The following ZNF107 variants were observed in gnomAD, a reference collection of about 807,000 sequenced individuals.
The protein encoded by ZNF107 is C2H2 type zinc-finger protein.
In ZNF107, 19 loss-of-function variants were observed where a neutral mutation model predicts 12.3. The ratio of observed to expected loss-of-function variants is 1.55; its 90% confidence interval spans 1.08 to 2.27. The LOEUF is 2.27. ZNF107 is among the 30% of genes most tolerant of loss of function. The probability of loss-of-function intolerance (pLI) is 0.00; values close to 1 mark genes in which losing one functional copy is unlikely to be tolerated. For synonymous variants in ZNF107, 317 were observed against 330.5 expected (o/e 0.96, Z 0.44); for missense variants, 958 against 979.9 (o/e 0.98, Z 0.30).
chr7:64,667,528 A>T (rs111942076), intron 1 of ZNF107, among the ~76,000 whole-genome samples: 2,556 of 152,274 alleles, frequency 0.017, 74 homozygotes, highest in African/African-American at 0.059. Flanking sequence ...TTACAGGGTG[A>T]TGTGTCCTCA....
At position 64,710,974 on chromosome 7, in the gene ZNF107, A is replaced by G. The variant is rs1790869041; in HGVS notation, c.*2318A>G. The G allele has an allele frequency of 6.6e-6, 1 of 152,196 alleles. No homozygotes were observed. Among genetic ancestry groups the G allele is most frequent in the African/African-American group, 2.4e-5 (1 of 41,468 alleles). 9.4% of individuals were successfully genotyped at this position (152,196 alleles called of 1,614,324 possible). ...GTTAAAATTAAAGTGAATTAGTAGTATATCATTTTACTATTTGTACTTTTA... is the reference window on the plus strand; with the variant it reads ...GTTAAAATTAAAGTGAATTAGTAGTGTATCATTTTACTATTTGTACTTTTA... On this transcript the variant is annotated 3_prime_UTR_variant, in exon 4 of 4. Coordinates refer to ENST00000620827, the MANE Select transcript of ZNF107 (RefSeq NM_001282359.2).
Position 64,691,259 on chromosome 7 carries a change from A to G in ZNF107, c.15A>G (p.Thr5=). 2 of 1,525,890 alleles carry G rather than the reference A, an allele frequency of 1.3e-6. No individual in the cohort carries two copies. The highest frequency in any genetic ancestry group is 1.8e-6 in the Non-Finnish European group (2 of 1,137,818). The allele number at this position is 1,525,890 out of a possible 1,614,324, so 94.5% of individuals were successfully genotyped here. The change falls in exon 2 of 4, where the codon ACA becomes ACG. Residue 5 remains threonine (T), a synonymous_variant. Coordinates refer to ENST00000620827, the MANE Select transcript of ZNF107 (RefSeq NM_001282359.2). Reference sequence around the variant, plus strand: ...TTTGTGTTTTTCAGGAACCACTGACATTTAAAGATGTCGCCATAGAATTCT... The same window carrying G: ...TTTGTGTTTTTCAGGAACCACTGACGTTTAAAGATGTCGCCATAGAATTCT... MEPL[T]FKDVAIEFSL...
chr7:64,666,296 T>G lies in ZNF107; in HGVS notation c.3+11T>G, dbSNP rs1208284406. On this transcript the variant is annotated intron_variant, in intron 1 of 3. Coordinates refer to ENST00000620827, the MANE Select transcript of ZNF107 (RefSeq NM_001282359.2). Reference sequence around the variant, plus strand: ...GGAAACCTAGAAATGGTGAGAGTGCTGGGTCCGACATCCCGAGAGAGGGGG... The same window carrying G: ...GGAAACCTAGAAATGGTGAGAGTGCGGGGTCCGACATCCCGAGAGAGGGGG... 4.3e-6 allele frequency: 7 copies of G among 1,609,494 alleles called. No individual in the cohort carries two copies. In the South Asian group the frequency reaches 6.6e-5, roughly 15 times the overall value.
chr7:64,690,216 C>A (rs1790068750), intron 1 of ZNF107: 4 of 293,748 alleles, frequency 1.4e-5, no homozygotes, highest in African/African-American at 2.3e-5. Flanking sequence ...ATTTTTATTT[C>A]TTTTACTTTG....
intron 3 of ZNF107, among the ~76,000 whole-genome samples, chr7:64,698,961 C>T (rs1014999823): frequency 1.2e-4 from 18 of 152,068 alleles, no homozygotes; most frequent in African/African-American, 3.6e-4. Context: ...CTTTTGTACT[C>T]GTGGCAACTT....
intron 3 of ZNF107, among the ~76,000 whole-genome samples, chr7:64,704,360 C>T (rs1162187562): frequency 6.6e-6 from 1 of 152,126 alleles, no homozygotes; most frequent in Non-Finnish European, 1.5e-5. Flanking sequence ...ATTCTCCTGC[C>T]TCAGCCTCCT....
At chr7:64,670,390 A>T (rs1467887997) in intron 1 of ZNF107, among the ~76,000 whole-genome samples, 2 of 152,184 alleles carry the variant, frequency 1.3e-5, no homozygotes, top group Non-Finnish European at 2.9e-5. Flanking sequence ...TCCTGAAGTC[A>T]TCAAGTCTTT....
chr7:64,702,527 G>A (rs1790509132), intron 3 of ZNF107, among the ~76,000 whole-genome samples: 1 of 151,836 alleles, frequency 6.6e-6, no homozygotes, highest in Non-Finnish European at 1.5e-5. Flanking sequence ...TTTATATTGT[G>A]TATTTGTTAA....
intron 3 of ZNF107, among the ~76,000 whole-genome samples, chr7:64,704,096 A>G (rs772094069): frequency 2.6e-4 from 39 of 151,752 alleles, no homozygotes; most frequent in Admixed American, 1.2e-3. Context: ...TGTTAATTAT[A>G]TATTTATATG....
intron 3 of ZNF107, among the ~76,000 whole-genome samples, chr7:64,703,439 G>T (rs1790539036): frequency 1.3e-5 from 2 of 152,070 alleles, no homozygotes; most frequent in South Asian, 4.1e-4. Flanking sequence ...ATTTTTGTGT[G>T]GGAGCAAAAC....
intron 1 of ZNF107, among the ~76,000 whole-genome samples, chr7:64,671,053 A>G (rs931216503): frequency 6.6e-6 from 1 of 152,076 alleles, no homozygotes; most frequent in Non-Finnish European, 1.5e-5. Context: ...GCTTGGTGTT[A>G]AGCAAACTTT....
chr7:64,706,308 T>C lies in ZNF107; in HGVS notation c.227-16T>C. 2 of 1,505,924 alleles carry C rather than the reference T, an allele frequency of 1.3e-6. No homozygotes were observed. The highest frequency in any genetic ancestry group is 8.9e-7 in the Non-Finnish European group (1 of 1,128,474). 93.3% of individuals were successfully genotyped at this position (1,505,924 alleles called of 1,614,324 possible). A position where few individuals can be genotyped will look rare whatever the true frequency, so the allele number is the denominator to read the frequency against. On this transcript the variant is annotated splice_polypyrimidine_tract_variant and intron_variant, in intron 3 of 3. Transcript: ENST00000620827. Reference sequence around the variant, plus strand: ...GTCTAGCAAGTGGAGTAATTTATTATTTTTATTTCTTTCAGTAATGTCTTT... The same window carrying C: ...GTCTAGCAAGTGGAGTAATTTATTACTTTTATTTCTTTCAGTAATGTCTTT...
In ZNF107 at chr7:64,684,569, C is replaced by T. The variant is rs375397945; in HGVS notation, c.4-6679C>T. The T allele has an allele frequency of 6.1e-5, 60 of 985,286 alleles. No homozygotes were observed. In the East Asian group the frequency reaches 2.0e-3, roughly 34 times the overall value. The allele number at this position is 985,286 out of a possible 1,614,324, so 61.0% of individuals were successfully genotyped here. ...TCTTGGAAGTCGCAAGTACTCTCCC[C>T]GACCTCGTTAAAACTCACCGAAATC... On this transcript the variant is annotated intron_variant, in intron 1 of 3. Transcript: ENST00000620827.
In ZNF107 at chr7:64,676,134, G is replaced by A. The variant is rs988383908; in HGVS notation, c.3+9849G>A. ...CCCAAAGTGCTGGGACTACAGGCAT[G>A]AGCCACCATGCCCAGCCCAGGTTTT... is the stretch of plus-strand genomic sequence containing the variant. On this transcript the variant is annotated intron_variant, in intron 1 of 3. Transcript: ENST00000620827. Among the ~76,000 whole-genome samples, 3 of 152,216 alleles carry A rather than the reference G, an allele frequency of 2.0e-5. No individual in the cohort carries two copies. In the South Asian group the frequency reaches 6.2e-4, roughly 32 times the overall value.
rs1434531297 is a variant in ZNF107, at chr7:64,700,964, G to A, written c.227-5360G>A. On this transcript the variant is annotated intron_variant, in intron 3 of 3. Transcript: ENST00000620827. ...TTATCTGAACTGTTATTGAAAATAG[G>A]GTCTTGATGTCTACAATTATGTTGC... Among the ~76,000 whole-genome samples the A allele has an allele frequency of 3.9e-5, 6 of 152,012 alleles. 1 individual carries two copies. The highest frequency in any genetic ancestry group is 1.4e-4 in the African/African-American group (6 of 41,382).
intron 1 of ZNF107, chr7:64,686,831 C>T (rs1789936380): frequency 1.1e-6 from 1 of 944,144 alleles, no homozygotes; most frequent in African/African-American, 1.8e-5. Flanking sequence ...GGGCTGACTC[C>T]CTTTTCCGAT....
chr7:64,698,317 C>T (rs1475439612), intron 3 of ZNF107, among the ~76,000 whole-genome samples: 1 of 152,086 alleles, frequency 6.6e-6, no homozygotes, highest in African/African-American at 2.4e-5. Flanking sequence ...TAACTTCTAT[C>T]ACATGTGATT....
Position 64,708,743 on chromosome 7 carries a change from T to C in ZNF107, c.*87T>C, listed in dbSNP as rs1435941857. The C allele has an allele frequency of 7.4e-7, 1 of 1,343,912 alleles. No individual in the cohort carries two copies. The highest frequency in any genetic ancestry group is 1.0e-6 in the Non-Finnish European group (1 of 992,812). The allele number at this position is 1,343,912 out of a possible 1,614,324, so 83.2% of individuals were successfully genotyped here. A position where few individuals can be genotyped will look rare whatever the true frequency, so the allele number is the denominator to read the frequency against. On this transcript the variant is annotated 3_prime_UTR_variant, in exon 4 of 4. Transcript: ENST00000620827. ...AGAATGTGTTAAAGCCTTTAACAAG[T>C]CTTCAACTTTTTCTGCACACACGAG...
At chr7:64,702,188 G>A (rs1262557486) in intron 3 of ZNF107, among the ~76,000 whole-genome samples, 1 of 150,456 alleles carries the variant, frequency 6.6e-6, no homozygotes, top group Non-Finnish European at 1.5e-5. Context: ...TTGCTCTGTC[G>A]CCCAGGCTGG....
Sources: allele counts gnomAD v4.1 joint callset (sites outside exome capture counted in the v4.1 genomes callset), GRCh38; gene constraint gnomAD v4.1.1; transcripts MANE v1.5; gene names NCBI Gene and HGNC (gene_info 2026-07-23, HGNC 2026-07-21).